Variants in SUCLG2 observed in about 807,000 individuals in gnomAD.
SUCLG2 encodes the protein succinate--CoA ligase [GDP-forming] subunit beta, mitochondrial.
SUCLG2 carries 42 observed loss-of-function variants against 47.9 expected under a neutral mutation model. That is an observed-to-expected ratio of 0.88 (90% CI 0.69 to 1.14). The LOEUF (loss-of-function observed/expected upper bound fraction) is 1.14. SUCLG2 is among the 50% of genes most tolerant of loss of function. The probability of loss-of-function intolerance (pLI) is 0.00; values close to 1 mark genes in which losing one functional copy is unlikely to be tolerated. For synonymous variants in SUCLG2, 195 were observed against 197.3 expected (o/e 0.99, Z 0.10); for missense variants, 571 against 525.9 (o/e 1.09, Z -0.84).
chr3:67,580,796 G>GA (rs1206018509), intron 2 of SUCLG2, among the ~76,000 whole-genome samples: 6 of 151,644 alleles, frequency 4.0e-5, no homozygotes, highest in Non-Finnish European at 7.4e-5. Flanking sequence ...TTGTCAGGGA[G>GA]AAAAAAAAAT....
chr3:67,442,716 C>G (rs9880271), intron 9 of SUCLG2, among the ~76,000 whole-genome samples: 2 of 152,192 alleles, frequency 1.3e-5, no homozygotes, highest in East Asian at 3.9e-4. Context: ...TTGTGGTGAA[C>G]TGAATGCATT....
At chr3:67,527,892 T>C (rs977832621) in intron 4 of SUCLG2, among the ~76,000 whole-genome samples, 6 of 152,178 alleles carry the variant, frequency 3.9e-5, no homozygotes, top group Non-Finnish European at 8.8e-5. Context: ...GCTCGGTCAC[T>C]CACCCTCACC....
At chr3:67,608,001 T>C (rs1443405197) in intron 2 of SUCLG2, among the ~76,000 whole-genome samples, 8 of 152,160 alleles carry the variant, frequency 5.3e-5, no homozygotes, top group African/African-American at 1.7e-4. Context: ...AATAGACTAA[T>C]ACACTCCTAA....
At chr3:67,457,267 T>C (rs73102399) in intron 9 of SUCLG2, among the ~76,000 whole-genome samples, 4,001 of 152,230 alleles carry the variant, frequency 0.026, 63 homozygotes, top group African/African-American at 0.048. Context: ...CGGAAACAGG[T>C]AAGCAATCAG....
intron 10 of SUCLG2, among the ~76,000 whole-genome samples, chr3:67,398,339 C>G (rs1490385402): frequency 6.6e-6 from 1 of 151,010 alleles, no homozygotes; most frequent in Non-Finnish European, 1.5e-5. Context: ...AAACAAACAA[C>G]CCCATCAAAA....
intron 2 of SUCLG2, among the ~76,000 whole-genome samples, chr3:67,601,487 T>TA (rs1375065459): frequency 3.3e-5 from 5 of 152,170 alleles, no homozygotes; most frequent in Non-Finnish European, 7.4e-5. Context: ...CTATGTCATT[T>TA]ACCCTAGGTA....
At chr3:67,518,556 G>T (rs141386259) in intron 5 of SUCLG2, among the ~76,000 whole-genome samples, 1 of 152,284 alleles carries the variant, frequency 6.6e-6, no homozygotes, top group African/African-American at 2.4e-5. Flanking sequence ...ATTCTTCATG[G>T]TGGCATGCTG....
chr3:67,581,868 C>A (rs113169701), intron 2 of SUCLG2, among the ~76,000 whole-genome samples: 16 of 152,176 alleles, frequency 1.1e-4, no homozygotes, highest in Non-Finnish European at 1.3e-4. Flanking sequence ...TCTAACAATA[C>A]AGTTAATCAC....
chr3:67,636,193 C>T (rs1701006360), intron 1 of SUCLG2, among the ~76,000 whole-genome samples: 1 of 152,086 alleles, frequency 6.6e-6, no homozygotes, highest in Non-Finnish European at 1.5e-5. Context: ...TGGGTAAAGA[C>T]TGGCCAAAGA....
At chr3:67,447,782 T>G (rs577714228) in intron 9 of SUCLG2, among the ~76,000 whole-genome samples, 1 of 152,308 alleles carries the variant, frequency 6.6e-6, no homozygotes, top group East Asian at 1.9e-4. Context: ...CAGGATGGAG[T>G]GCAGTGGTGC....
intron 7 of SUCLG2, among the ~76,000 whole-genome samples, chr3:67,506,564 G>A (rs553479035): frequency 6.6e-6 from 1 of 152,212 alleles, no homozygotes; most frequent in South Asian, 2.1e-4. Flanking sequence ...CACAGTCTAA[G>A]AAAAGGTTCC....
intron 2 of SUCLG2, among the ~76,000 whole-genome samples, chr3:67,537,392 C>T (rs753786225): frequency 3.3e-5 from 5 of 152,168 alleles, no homozygotes; most frequent in Admixed American, 6.5e-5. Context: ...CTGAAAAGGA[C>T]ATGAACTCAT....
At chr3:67,507,563 G>C (rs1054451730) in intron 7 of SUCLG2, among the ~76,000 whole-genome samples, 5 of 152,006 alleles carry the variant, frequency 3.3e-5, no homozygotes, top group Non-Finnish European at 5.9e-5. Flanking sequence ...ACTTAGGCAG[G>C]CTAAATAACT....
intron 9 of SUCLG2, among the ~76,000 whole-genome samples, chr3:67,441,873 C>T (rs184273277): frequency 6.6e-6 from 1 of 152,298 alleles, no homozygotes; most frequent in East Asian, 1.9e-4. Flanking sequence ...CCATCTGCTC[C>T]TCCTCCCAAA....
Position 67,509,835 on chromosome 3 carries a change from G to A in SUCLG2, c.661-932C>T, listed in dbSNP as rs931013343. Among the ~76,000 whole-genome samples, 16 of 152,140 alleles carry A rather than the reference G, an allele frequency of 1.1e-4. 1 individual carries two copies. The highest frequency in any genetic ancestry group is 6.5e-4 in the Admixed American group (10 of 15,282). ...GCCTCGGATTACTTGCAGCAGATCCGTTTTCAGTTCTCCAACTCTACTCTG... is the reference window on the plus strand; with the variant it reads ...GCCTCGGATTACTTGCAGCAGATCCATTTTCAGTTCTCCAACTCTACTCTG... On this transcript the variant is annotated intron_variant, in intron 6 of 10. Coordinates refer to ENST00000307227, the MANE Select transcript of SUCLG2 (RefSeq NM_003848.4).
intron 10 of SUCLG2, among the ~76,000 whole-genome samples, chr3:67,398,782 CGAT>C (rs1702611900): frequency 6.6e-6 from 1 of 152,060 alleles, no homozygotes. Flanking sequence ...AAATGTCCAA[CGAT>C]GATAGACTGG....
chr3:67,509,822 T>C (rs146687906), intron 6 of SUCLG2, among the ~76,000 whole-genome samples: 2 of 152,208 alleles, frequency 1.3e-5, no homozygotes, highest in Admixed American at 6.5e-5. Context: ...CTCGGATTAC[T>C]TGCAGCAGAT....
At chr3:67,440,536 AAAAC>A (rs1559527280) in intron 9 of SUCLG2, among the ~76,000 whole-genome samples, 2 of 152,184 alleles carry the variant, frequency 1.3e-5, no homozygotes, top group African/African-American at 4.8e-5. Context: ...TTACAGGAAA[AAAAC>A]AAACAACCCC....
At chr3:67,522,514 C>CA (rs1305588143) in intron 4 of SUCLG2, among the ~76,000 whole-genome samples, 1 of 151,960 alleles carries the variant, frequency 6.6e-6, no homozygotes, top group Admixed American at 6.6e-5. Context: ...TAAGTACTGT[C>CA]AAAGTGCTTG....
Sources: gnomAD v4.1 joint callset for allele counts (sites outside exome capture counted in the v4.1 genomes callset) on GRCh38, gnomAD v4.1.1 for gene constraint, MANE v1.5 for transcripts, NCBI Gene and HGNC (gene_info 2026-07-23, HGNC 2026-07-21) for gene names.